The following TERB2 variants were observed in gnomAD, a reference collection of about 807,000 sequenced individuals.
TERB2 encodes telomere repeats-binding bouquet formation protein 2.
TERB2 carries 26 observed loss-of-function variants against 29.8 expected under a neutral mutation model. The ratio of observed to expected loss-of-function variants is 0.87; its 90% CI spans 0.64 to 1.21. The LOEUF is 1.21. Among genes scored for constraint, TERB2 ranks in the 50% most tolerant of loss-of-function variants. TERB2 has a pLI of 0.00. For synonymous variants in TERB2, 80 were observed against 90.8 expected, an observed-to-expected ratio of 0.88 and a Z score of 0.68; for missense variants, 240 against 268.6, an observed-to-expected ratio of 0.89 and a Z score of 0.74.
intron 5 of TERB2, among the ~76,000 whole-genome samples, chr15:44,971,412 C>T (rs553450016): frequency 1.3e-5 from 2 of 152,078 alleles, no homozygotes; most frequent in Non-Finnish European, 2.9e-5. Flanking sequence ...ATATTTTAAT[C>T]GATTCTCTCT....
At chr15:44,965,380 T>C (rs1891869887) in intron 4 of TERB2, among the ~76,000 whole-genome samples, 1 of 146,344 alleles carries the variant, frequency 6.8e-6, no homozygotes, top group African/African-American at 2.5e-5. Context: ...GAAGGAGAAA[T>C]ATAATTTGTT....
intron 6 of TERB2, among the ~76,000 whole-genome samples, chr15:44,978,110 T>C (rs1351645624): frequency 2.0e-5 from 3 of 152,228 alleles, no homozygotes; most frequent in Non-Finnish European, 4.4e-5. Context: ...GATGAACTGT[T>C]TGCACTGTTA....
At chr15:44,975,342 G>A (rs1258239958) in intron 6 of TERB2, among the ~76,000 whole-genome samples, 2 of 151,738 alleles carry the variant, frequency 1.3e-5, no homozygotes. Flanking sequence ...CCATCTGCTT[G>A]CACAGGAAGG....
intron 4 of TERB2, among the ~76,000 whole-genome samples, chr15:44,965,023 T>G (rs1465383875): frequency 6.6e-6 from 1 of 151,182 alleles, no homozygotes; most frequent in African/African-American, 2.4e-5. Context: ...ATTTGCCAGA[T>G]GTGGTGGCTG....
intron 5 of TERB2, among the ~76,000 whole-genome samples, chr15:44,966,662 A>G (rs270810): frequency 0.34 from 51,576 of 152,062 alleles, 14,949 homozygotes; most frequent in African/African-American, 0.79. Flanking sequence ...CCATCATCAC[A>G]CTTATGAACT....
chr15:44,978,422 G>A, intron 6 of TERB2, 67 bp from the exon 7 acceptor site: 1 of 1,428,890 alleles, frequency 7.0e-7, no homozygotes, highest in Non-Finnish European at 9.2e-7. Context: ...ATAAATCAAA[G>A]ACACTGAAAA....
chr15:44,974,462 C>G (rs910481959), intron 6 of TERB2, among the ~76,000 whole-genome samples: 1 of 152,134 alleles, frequency 6.6e-6, no homozygotes, highest in African/African-American at 2.4e-5. Flanking sequence ...AAAAGGCTCA[C>G]AGATGCCCAG....
intron 3 of TERB2, among the ~76,000 whole-genome samples, chr15:44,961,317 A>C (rs890509101): frequency 6.6e-6 from 1 of 151,446 alleles, no homozygotes; most frequent in African/African-American, 2.4e-5. Flanking sequence ...TATTAGAATC[A>C]TCTGGAGAGT....
At chr15:44,972,165 A>G (rs1031994288) in intron 5 of TERB2, among the ~76,000 whole-genome samples, 5 of 150,694 alleles carry the variant, frequency 3.3e-5, no homozygotes, top group African/African-American at 7.3e-5. Context: ...ATTTTTTTGT[A>G]TTTTTATTAG....
rs1892086088 is a variant in TERB2 at position 44,978,958 on chromosome 15, C to CTCTCTCTTTCTCTCCTCCCCT, written c.*342_*362dup. On this transcript the variant is annotated 3_prime_UTR_variant, in exon 7 of 7. Transcript: ENST00000340827. ...TCCTCTTTCTTGCTTTCTCTTTTCC[C>CTCTCTCTTTCTCTCCTCCCCT]TCTCTCTTTCTCTCCTCCCCTTCTC... The CTCTCTCTTTCTCTCCTCCCCT allele has an allele frequency of 6.3e-6, 1 of 159,426 alleles. No individual in the cohort carries two copies. Among genetic ancestry groups the CTCTCTCTTTCTCTCCTCCCCT allele is most frequent in the Non-Finnish European group, 1.4e-5 (1 of 73,330 alleles). 9.9% of individuals were successfully genotyped at this position (159,426 alleles called of 1,614,324 possible).
intron 5 of TERB2, among the ~76,000 whole-genome samples, chr15:44,973,177 C>T (rs1382380416): frequency 6.6e-6 from 1 of 152,058 alleles, no homozygotes; most frequent in Non-Finnish European, 1.5e-5. Context: ...CACTGCGCCT[C>T]GCCTAGACAT....
At chr15:44,965,487 T>C (rs570152531) in intron 4 of TERB2, among the ~76,000 whole-genome samples, 1 of 144,312 alleles carries the variant, frequency 6.9e-6, no homozygotes, top group Non-Finnish European at 1.5e-5. Flanking sequence ...GATATATATT[T>C]ATATAGATAT....
At chr15:44,962,302 C>A (rs1566944831) in intron 4 of TERB2, among the ~76,000 whole-genome samples, 1 of 151,626 alleles carries the variant, frequency 6.6e-6, no homozygotes, top group Non-Finnish European at 1.5e-5. Flanking sequence ...CTGCCTCAGC[C>A]TCCAGAGTAG....
At chr15:44,973,488 A>G (rs1206363151) in intron 5 of TERB2, 1 of 152,230 alleles carries the variant, frequency 6.6e-6, no homozygotes, top group Non-Finnish European at 1.5e-5. Context: ...AGCACAAAAG[A>G]AGTTCATAAT....
chr15:44,978,500 A>G lies in TERB2; in HGVS notation c.535A>G (p.Ile179Val), dbSNP rs767530698. The stretch of plus-strand genomic sequence containing the variant: ...ATTTTATTTTGTAGGTTATATATCA[A>G]TTGATGCCATGAAGAAATTCCTTGG... ...VNNMVTGYISIDAMKKFLGEL... is the reference protein window; with the variant it reads ...VNNMVTGYISVDAMKKFLGEL... The change falls in exon 7 of 7, where the codon ATT becomes GTT. Residue 179 changes from isoleucine to valine, a missense_variant. Transcript: ENST00000340827. 114 of 1,603,386 alleles carry G rather than the reference A, an allele frequency of 7.1e-5. No individual in the cohort carries two copies. In the Middle Eastern group the frequency reaches 2.3e-3, roughly 33 times the overall value.
chr15:44,970,392 C>T (rs1891950046), intron 5 of TERB2: 1 of 246,688 alleles, frequency 4.1e-6, no homozygotes, highest in South Asian at 1.0e-4. Context: ...GCTGTCTTTC[C>T]AAGGGTCTTC....
At chr15:44,964,651 T>C (rs1486701964) in intron 4 of TERB2, among the ~76,000 whole-genome samples, 2 of 152,290 alleles carry the variant, frequency 1.3e-5, no homozygotes, top group East Asian at 3.9e-4. Flanking sequence ...TAAAACGTGC[T>C]TGTATGGACG....
chr15:44,966,467 C>A (rs1483411709), intron 5 of TERB2, among the ~76,000 whole-genome samples: 1 of 152,132 alleles, frequency 6.6e-6, no homozygotes, highest in African/African-American at 2.4e-5. Context: ...TGCACTGAGT[C>A]AGAGCCCATT....
intron 5 of TERB2, among the ~76,000 whole-genome samples, chr15:44,969,700 A>C (rs2141243323): frequency 6.6e-6 from 1 of 151,684 alleles, no homozygotes. Flanking sequence ...AGGCTGGGGC[A>C]GGAGGATTGC....
Sources: allele counts gnomAD v4.1 joint callset (sites outside exome capture counted in the v4.1 genomes callset), GRCh38; gene constraint gnomAD v4.1.1; transcripts MANE v1.5; gene names NCBI Gene and HGNC (gene_info 2026-07-23, HGNC 2026-07-21).